The following ROBO2 variants were observed in gnomAD, a reference collection of about 807,000 sequenced individuals.
The protein encoded by ROBO2 is roundabout homolog 2.
A neutral mutation model predicts 160.8 loss-of-function variants in ROBO2; 53 were observed. The observed-to-expected ratio is 0.33, with a 90% CI of 0.26 to 0.41. The LOEUF is 0.41. Among genes scored for constraint, ROBO2 ranks in the 10% least tolerant of loss-of-function variants. The probability of loss-of-function intolerance (pLI) is 1.00; values close to 1 mark genes in which losing one functional copy is unlikely to be tolerated. For synonymous variants in ROBO2, 664 were observed against 611.7 expected (o/e 1.09, Z -1.26); for missense variants, 1,577 against 1,722.4 (o/e 0.92, Z 1.49).
intron 2 of ROBO2, among the ~76,000 whole-genome samples, chr3:76,219,661 A>C (rs1046616179): frequency 7.9e-5 from 12 of 152,190 alleles, no homozygotes; most frequent in African/African-American, 2.9e-4. Context: ...GGCAATCATT[A>C]AAAAGTCAGG....
chr3:76,986,946 CACTA>C (rs1337727211), intron 2 of ROBO2, among the ~76,000 whole-genome samples: 2 of 152,142 alleles, frequency 1.3e-5, no homozygotes, highest in African/African-American at 2.4e-5. Flanking sequence ...GTGAATTCCA[CACTA>C]ACTAAAATGA....
At chr3:77,635,473 C>T (rs2095248718) in intron 24 of ROBO2, among the ~76,000 whole-genome samples, 1 of 152,126 alleles carries the variant, frequency 6.6e-6, no homozygotes, top group Admixed American at 6.6e-5. Context: ...TCACAAATTT[C>T]AGAGCCAAAA....
intron 2 of ROBO2, among the ~76,000 whole-genome samples, chr3:75,947,872 A>C (rs77970923): frequency 1.3e-5 from 2 of 152,112 alleles, no homozygotes; most frequent in African/African-American, 4.8e-5. Flanking sequence ...GGATGACATT[A>C]TGTCTGGCCA....
intron 2 of ROBO2, among the ~76,000 whole-genome samples, chr3:77,450,560 G>T (rs79960338): frequency 0.012 from 1,767 of 151,948 alleles, 38 homozygotes; most frequent in African/African-American, 0.041. Context: ...TATTAGTACT[G>T]GTATATTTAA....
chr3:77,148,634 A>G (rs542610072), intron 2 of ROBO2, among the ~76,000 whole-genome samples: 6 of 152,232 alleles, frequency 3.9e-5, no homozygotes, highest in Non-Finnish European at 7.3e-5. Flanking sequence ...CTAATATTGC[A>G]GCCAATTTTC....
At chr3:76,735,365 T>C (rs1319966032) in intron 2 of ROBO2, among the ~76,000 whole-genome samples, 1 of 152,130 alleles carries the variant, frequency 6.6e-6, no homozygotes, top group Non-Finnish European at 1.5e-5. Flanking sequence ...ATGTTCTTAC[T>C]TGTAAGTGAG....
intron 2 of ROBO2, among the ~76,000 whole-genome samples, chr3:77,108,421 C>A (rs2073143866): frequency 6.6e-6 from 1 of 152,004 alleles, no homozygotes; most frequent in South Asian, 2.1e-4. Flanking sequence ...TATGTGACCC[C>A]CCCCTACCTT....
At chr3:77,308,200 C>T (rs530791646) in intron 2 of ROBO2, among the ~76,000 whole-genome samples, 6 of 150,932 alleles carry the variant, frequency 4.0e-5, no homozygotes, top group Admixed American at 1.3e-4. Context: ...TTGGAAAATG[C>T]GGCAATCGTT....
chr3:77,390,659 A>G (rs1581583214), intron 2 of ROBO2, among the ~76,000 whole-genome samples: 2 of 152,178 alleles, frequency 1.3e-5, no homozygotes, highest in Admixed American at 6.5e-5. Context: ...GCAGCGTGAT[A>G]ACAGATAATA....
chr3:76,555,358 G>GGAAGAAGAAGAAGAAGAAGA (rs1201244951), intron 2 of ROBO2, among the ~76,000 whole-genome samples: 44 of 57,982 alleles, frequency 7.6e-4, no homozygotes, highest in African/African-American at 2.3e-3. Flanking sequence ...AGTAGGAAGA[G>GGAAGAAGAAGAAGAAGAAGA]AGAAGAAGAA....
intron 2 of ROBO2, among the ~76,000 whole-genome samples, chr3:77,189,342 G>C (rs1262795781): frequency 1.3e-5 from 2 of 151,834 alleles, no homozygotes; most frequent in Non-Finnish European, 2.9e-5. Context: ...GAACACTGAA[G>C]ATAAGATTTG....
intron 2 of ROBO2, among the ~76,000 whole-genome samples, chr3:76,698,179 T>C (rs1165527659): frequency 6.6e-6 from 1 of 152,210 alleles, no homozygotes; most frequent in African/African-American, 2.4e-5. Flanking sequence ...CATTGCAATA[T>C]GGAGTCAGTT....
intron 2 of ROBO2, among the ~76,000 whole-genome samples, chr3:76,418,902 A>G (rs1367597448): frequency 2.0e-5 from 3 of 152,176 alleles, no homozygotes; most frequent in African/African-American, 4.8e-5. Context: ...AATAAATTCA[A>G]TTATTTCTTG....
chr3:76,695,087 G>C (rs1056845126), intron 2 of ROBO2, among the ~76,000 whole-genome samples: 7 of 152,170 alleles, frequency 4.6e-5, no homozygotes, highest in Non-Finnish European at 1.0e-4. Flanking sequence ...CTGGGCGATG[G>C]AGTGAGGCCC....
intron 2 of ROBO2, among the ~76,000 whole-genome samples, chr3:76,694,558 G>GT (rs987181112): frequency 8.6e-5 from 13 of 151,476 alleles, no homozygotes; most frequent in South Asian, 4.2e-4. Context: ...ACTTTATAAT[G>GT]TTTTTTTTCA....
intron 5 of ROBO2, among the ~76,000 whole-genome samples, chr3:77,503,926 A>T (rs2088052093): frequency 6.6e-6 from 1 of 152,224 alleles, no homozygotes; most frequent in African/African-American, 2.4e-5. Flanking sequence ...TATAATTGCC[A>T]AATATAAGGA....
chr3:77,017,038 A>G (rs534218085), intron 2 of ROBO2, among the ~76,000 whole-genome samples: 2 of 152,336 alleles, frequency 1.3e-5, no homozygotes, highest in East Asian at 1.9e-4. Context: ...TCAGCTGTCA[A>G]TCTAACTTAA....
At chr3:77,310,106 T>C (rs1246637807) in intron 2 of ROBO2, among the ~76,000 whole-genome samples, 2 of 152,168 alleles carry the variant, frequency 1.3e-5, no homozygotes, top group Non-Finnish European at 2.9e-5. Context: ...AGGGTTTCAG[T>C]GACTGAAAGA....
At chr3:76,088,776 A>G (rs1030862436) in intron 2 of ROBO2, among the ~76,000 whole-genome samples, 1 of 152,074 alleles carries the variant, frequency 6.6e-6, no homozygotes, top group Non-Finnish European at 1.5e-5. Context: ...AGAAAGAACA[A>G]ACAACAATAT....
Sources: gnomAD v4.1 joint callset for allele counts (sites outside exome capture counted in the v4.1 genomes callset) on GRCh38, gnomAD v4.1.1 for gene constraint, MANE v1.5 for transcripts, NCBI Gene and HGNC (gene_info 2026-07-23, HGNC 2026-07-21) for gene names.